The following GATAD2A variants were observed in gnomAD, a reference collection of about 807,000 sequenced individuals.
GATAD2A encodes GATA zinc finger domain containing 2A, also known as transcriptional repressor p66-alpha.
GATAD2A carries 12 observed loss-of-function variants against 68.5 expected under a neutral mutation model. That is an observed-to-expected ratio of 0.18 (90% CI 0.11 to 0.28). The LOEUF is 0.28. Among genes scored for constraint, GATAD2A ranks in the 10% least tolerant of loss-of-function variants. The probability of loss-of-function intolerance (pLI) is 1.00; values close to 1 mark genes in which losing one functional copy is unlikely to be tolerated. For synonymous variants in GATAD2A, 410 were observed against 375.3 expected, an observed-to-expected ratio of 1.09 and a Z score of -1.07; for missense variants, 755 against 868.5, an observed-to-expected ratio of 0.87 and a Z score of 1.64.
intron 2 of GATAD2A, among the ~76,000 whole-genome samples, chr19:19,486,553 G>A (rs2059442064): frequency 1.3e-5 from 2 of 152,186 alleles, no homozygotes; most frequent in South Asian, 4.1e-4. Flanking sequence ...CCAAATGACA[G>A]CCTTGGGGCA....
chr19:19,485,508 G>A (rs2059373791), intron 2 of GATAD2A, among the ~76,000 whole-genome samples: 1 of 150,036 alleles, frequency 6.7e-6, no homozygotes. Flanking sequence ...CTATAGCGGG[G>A]GCTAGTGTGG....
At position 19,439,667 on chromosome 19, in the gene GATAD2A, G is replaced by T. The variant is rs181871935; in HGVS notation, c.-6-25673G>T. On this transcript the variant is annotated intron_variant, in intron 1 of 11. Transcript: ENST00000683918. ...GTTCGAGACCAGCATGGCCAACATGGTGAAACCCCATCTTTACTAAAAGTA... is the reference window on the plus strand; with the variant it reads ...GTTCGAGACCAGCATGGCCAACATGTTGAAACCCCATCTTTACTAAAAGTA... Among the ~76,000 whole-genome samples the T allele has an allele frequency of 1.2e-3, 188 of 152,260 alleles. 3 individuals are homozygous for T. The highest frequency in any genetic ancestry group is 4.3e-3 in the Admixed American group (66 of 15,286).
intron 1 of GATAD2A, among the ~76,000 whole-genome samples, chr19:19,458,769 G>T (rs2057164358): frequency 6.6e-6 from 1 of 152,212 alleles, no homozygotes; most frequent in Non-Finnish European, 1.5e-5. Context: ...AAGCTGCGTG[G>T]ACATCTTCGA....
intron 2 of GATAD2A, among the ~76,000 whole-genome samples, chr19:19,472,942 T>G (rs2058420851): frequency 6.6e-6 from 1 of 152,214 alleles, no homozygotes; most frequent in African/African-American, 2.4e-5. Flanking sequence ...TGCAGCTATT[T>G]TTTTGGAAGA....
At chr19:19,434,253 A>T (rs2147495784) in intron 1 of GATAD2A, among the ~76,000 whole-genome samples, 1 of 152,300 alleles carries the variant, frequency 6.6e-6, no homozygotes, top group African/African-American at 2.4e-5. Flanking sequence ...AGCACAGGAC[A>T]CCTGCTTCTG....
intron 1 of GATAD2A, among the ~76,000 whole-genome samples, chr19:19,421,958 A>G (rs1461348344): frequency 2.0e-5 from 3 of 151,958 alleles, no homozygotes; most frequent in Non-Finnish European, 4.4e-5. Context: ...CGTAGCTGGG[A>G]TTACAGGCTC....
intron 1 of GATAD2A, among the ~76,000 whole-genome samples, chr19:19,432,954 T>C (rs1397512117): frequency 6.6e-6 from 1 of 152,298 alleles, no homozygotes; most frequent in East Asian, 1.9e-4. Context: ...TGAGGAGTGG[T>C]TGGGCTCCAG....
intron 2 of GATAD2A, among the ~76,000 whole-genome samples, chr19:19,482,520 CCA>C (rs1004151909): frequency 1.3e-5 from 2 of 152,172 alleles, no homozygotes; most frequent in Non-Finnish European, 2.9e-5. Context: ...AGTGAGGGGT[CCA>C]CACAGGAGCT....
chr19:19,492,149 C>T (rs1013079263), intron 2 of GATAD2A, among the ~76,000 whole-genome samples, 157 bp from the exon 3 acceptor site: 1 of 152,192 alleles, frequency 6.6e-6, no homozygotes, highest in Non-Finnish European at 1.5e-5. Context: ...AAGAAGGAGG[C>T]AGCCTGGGAG....
chr19:19,484,531 T>C (rs200155099), intron 2 of GATAD2A, among the ~76,000 whole-genome samples: 10,863 of 126,580 alleles, frequency 0.086, 485 homozygotes, highest in Middle Eastern at 0.12. Context: ...TTTTTTTTTT[T>C]CTTTTTTTTT....
chr19:19,508,617 A>G lies in GATAD2A; in HGVS notation c.*3143A>G, dbSNP rs1056820519. 1.3e-5 allele frequency: 2 copies of G among 152,224 alleles called. No individual in the cohort carries two copies. The highest frequency in any genetic ancestry group is 2.9e-5 in the Non-Finnish European group (2 of 68,042). 9.4% of individuals were successfully genotyped at this position (152,224 alleles called of 1,614,324 possible). A position where few individuals can be genotyped will look rare whatever the true frequency, so the allele number is the denominator to read the frequency against. ...GCCGTAGGGTTTTTGATGCTGAGCT[A>G]TGCTGCACATGACGTTAACCTAAAG... On this transcript the variant is annotated 3_prime_UTR_variant, in exon 12 of 12. Transcript: ENST00000683918.
chr19:19,482,501 T>A (rs1487329745), intron 2 of GATAD2A, among the ~76,000 whole-genome samples: 1 of 152,146 alleles, frequency 6.6e-6, no homozygotes, highest in Non-Finnish European at 1.5e-5. Flanking sequence ...TCCCCCAGGG[T>A]CCTGGCACAG....
intron 1 of GATAD2A, among the ~76,000 whole-genome samples, chr19:19,419,172 C>G (rs903725323): frequency 6.6e-6 from 1 of 151,982 alleles, no homozygotes; most frequent in South Asian, 2.1e-4. Context: ...TGTCTGCACA[C>G]ACTCCCTGTC....
At chr19:19,435,235 T>G (rs2054198762) in intron 1 of GATAD2A, 1 of 463,350 alleles carries the variant, frequency 2.2e-6, no homozygotes, top group Admixed American at 2.1e-5. Flanking sequence ...TCTGGGTTGT[T>G]TTTTGAGACA....
upstream of GATAD2A, among the ~76,000 whole-genome samples, chr19:19,405,188 C>T (rs1459639086): frequency 6.6e-6 from 1 of 152,170 alleles, no homozygotes; most frequent in African/African-American, 2.4e-5. Context: ...TTGTAGAATT[C>T]TGTTCACTGC....
upstream of GATAD2A, among the ~76,000 whole-genome samples, chr19:19,404,890 T>C (rs938051701): frequency 3.9e-5 from 6 of 152,158 alleles, no homozygotes; most frequent in African/African-American, 1.4e-4. Flanking sequence ...AGAACCTGAT[T>C]TTGGTATTGA....
intron 1 of GATAD2A, among the ~76,000 whole-genome samples, chr19:19,422,976 G>T (rs987601774): frequency 6.6e-6 from 1 of 152,138 alleles, no homozygotes; most frequent in African/African-American, 2.4e-5. Flanking sequence ...CTCCTGAAGT[G>T]CTGGGATTAC....
intron 11 of GATAD2A, among the ~76,000 whole-genome samples, chr19:19,503,712 T>C (rs1044018864): frequency 1.3e-5 from 2 of 151,988 alleles, no homozygotes; most frequent in Non-Finnish European, 2.9e-5. Flanking sequence ...TCACTAGTTG[T>C]GTGTCTGATG....
chr19:19,465,110 A>G (rs1422240403), intron 1 of GATAD2A: 18 of 586,840 alleles, frequency 3.1e-5, no homozygotes, highest in Non-Finnish European at 4.5e-5. Flanking sequence ...GGCTCCACCA[A>G]TGTTCAGCCA....
Sources: allele counts gnomAD v4.1 joint callset (sites outside exome capture counted in the v4.1 genomes callset), GRCh38; gene constraint gnomAD v4.1.1; transcripts MANE v1.5; gene names NCBI Gene and HGNC (gene_info 2026-07-23, HGNC 2026-07-21).